The following DLG2 variants were observed in gnomAD, a reference collection of about 807,000 sequenced individuals.
DLG2 encodes the protein discs large MAGUK scaffold protein 2.
A neutral mutation model predicts 132.5 loss-of-function variants in DLG2; 45 were observed. The ratio of observed to expected loss-of-function variants is 0.34; its 90% confidence interval spans 0.27 to 0.44. DLG2 has a LOEUF of 0.44. Among genes scored for constraint, DLG2 ranks in the 20% least tolerant of loss-of-function variants. DLG2 has a pLI of 1.00. For synonymous variants in DLG2, 424 were observed against 419.6 expected, an observed-to-expected ratio of 1.01 and a Z score of -0.13; for missense variants, 1,045 against 1,196.9, an observed-to-expected ratio of 0.87 and a Z score of 1.87.
At chr11:83,726,448 G>T (rs1402581302) in intron 18 of DLG2, among the ~76,000 whole-genome samples, 2 of 152,074 alleles carry the variant, frequency 1.3e-5, no homozygotes, top group African/African-American at 4.8e-5. Flanking sequence ...TTTTTAAAAA[G>T]AACTTTCTTT....
chr11:83,565,060 A>G (rs1476594019), intron 19 of DLG2, among the ~76,000 whole-genome samples: 2 of 152,160 alleles, frequency 1.3e-5, no homozygotes. Context: ...CTTAATGACT[A>G]TCATGTTGCC....
intron 6 of DLG2, among the ~76,000 whole-genome samples, chr11:85,061,172 T>C (rs2064092999): frequency 6.6e-6 from 1 of 151,910 alleles, no homozygotes; most frequent in Admixed American, 6.6e-5. Flanking sequence ...TCCCATTCCA[T>C]AGGTTGCCTT....
chr11:84,638,037 A>T (rs2099643700), intron 6 of DLG2, among the ~76,000 whole-genome samples: 1 of 152,150 alleles, frequency 6.6e-6, no homozygotes, highest in Admixed American at 6.5e-5. Context: ...TGGAATGAAA[A>T]CGTGTTTGCT....
intron 18 of DLG2, among the ~76,000 whole-genome samples, chr11:83,749,609 C>G (rs1222819797): frequency 6.6e-6 from 1 of 152,188 alleles, no homozygotes; most frequent in Non-Finnish European, 1.5e-5. Context: ...TGCACCCCAG[C>G]TGTATGCCAT....
intron 7 of DLG2, among the ~76,000 whole-genome samples, chr11:84,305,011 T>A (rs1017059389): frequency 2.0e-5 from 3 of 152,306 alleles, no homozygotes; most frequent in East Asian, 1.9e-4. Flanking sequence ...ACATATTTTT[T>A]AAAATGTAGT....
rs1373330068 is a variant in DLG2, at chr11:83,458,426, G to A, written c.*1392C>T. On this transcript the variant is annotated 3_prime_UTR_variant, in exon 28 of 28. Transcript: ENST00000376104. ...TCAAAGTCATTAATTGTCTTTCCTTGTGACTCTATCTCTTTGCTCTGTACA... is the reference window on the plus strand; with the variant it reads ...TCAAAGTCATTAATTGTCTTTCCTTATGACTCTATCTCTTTGCTCTGTACA... 14 of 152,610 alleles carry A rather than the reference G, an allele frequency of 9.2e-5. No individual in the cohort carries two copies. Among genetic ancestry groups the A allele is most frequent in the East Asian group, 1.9e-4 (1 of 5,170 alleles). The allele number at this position is 152,610 out of a possible 1,614,324, so 9.5% of individuals were successfully genotyped here. A position where few individuals can be genotyped will look rare whatever the true frequency, so the allele number is the denominator to read the frequency against.
At chr11:85,282,133 T>A (rs953485655) in intron 4 of DLG2, among the ~76,000 whole-genome samples, 1 of 151,670 alleles carries the variant, frequency 6.6e-6, no homozygotes, top group Non-Finnish European at 1.5e-5. Context: ...CAAATATCAC[T>A]CATATATGGA....
At chr11:84,102,022 T>C (rs1430274132) in intron 9 of DLG2, among the ~76,000 whole-genome samples, 1 of 152,156 alleles carries the variant, frequency 6.6e-6, no homozygotes. Flanking sequence ...AATTCATCTA[T>C]TGGTGTTTAT....
chr11:85,424,863 A>G (rs987713551), intron 3 of DLG2, among the ~76,000 whole-genome samples: 43 of 152,194 alleles, frequency 2.8e-4, no homozygotes, highest in African/African-American at 8.7e-4. Context: ...TGGATCTCCC[A>G]GCACCTGTTC....
rs141242890 is a variant in DLG2, at chr11:84,568,934, C to T, written c.358-34203G>A. 1.6e-3 allele frequency among the ~76,000 whole-genome samples: 250 copies of T among 152,302 alleles called. 1 individual carries two copies. The highest frequency in any genetic ancestry group is 5.4e-3 in the African/African-American group (226 of 41,564). ...CATAACGTATTTCACCTATCTTGAACGGTATCTCCCCCTAACTTTATAGCC... is the reference window on the plus strand; with the variant it reads ...CATAACGTATTTCACCTATCTTGAATGGTATCTCCCCCTAACTTTATAGCC... On this transcript the variant is annotated intron_variant, in intron 6 of 27. Transcript: ENST00000376104.
rs200927175 is a variant in DLG2, at chr11:83,753,653, AAT to A, written c.1825+33035_1825+33036del. ...AAAATTGATATAAAATATATCAATAAATATATATATATTTTAAATTGATATAT... is the reference window on the plus strand; with the variant it reads ...AAAATTGATATAAAATATATCAATAAATATATATATTTTAAATTGATATAT... On this transcript the variant is annotated intron_variant, in intron 18 of 27. Transcript: ENST00000376104. 9.8e-3 allele frequency among the ~76,000 whole-genome samples: 1,363 copies of A among 139,630 alleles called. 23 individuals are homozygous for A. Among genetic ancestry groups the A allele is most frequent in the South Asian group, 0.037 (175 of 4,728 alleles). The allele number at this position is 139,630 out of a possible 152,430, so 91.6% of individuals were successfully genotyped here.
At chr11:84,201,074 T>C (rs1176773693) in intron 8 of DLG2, among the ~76,000 whole-genome samples, 4 of 152,144 alleles carry the variant, frequency 2.6e-5, no homozygotes, top group Non-Finnish European at 5.9e-5. Context: ...ATGATATTGG[T>C]TGTGGGTTTG....
chr11:85,174,181 C>A (rs1033956337), intron 4 of DLG2, among the ~76,000 whole-genome samples: 1 of 152,118 alleles, frequency 6.6e-6, no homozygotes, highest in African/African-American at 2.4e-5. Context: ...CTTCTCATAA[C>A]CACACGGCAG....
intron 6 of DLG2, among the ~76,000 whole-genome samples, chr11:84,844,127 GTGTGTGTGTATATATATATATA>G (rs1331841906): frequency 3.9e-5 from 1 of 25,962 alleles, no homozygotes; most frequent in African/African-American, 1.2e-4. Context: ...GTGTGTGTGT[GTGTGTGTGTATATATATATATA>G]TATATATATA....
At chr11:85,267,888 G>GTA (rs1355275204) in intron 4 of DLG2, among the ~76,000 whole-genome samples, 4 of 151,458 alleles carry the variant, frequency 2.6e-5, no homozygotes, top group African/African-American at 9.7e-5. Flanking sequence ...TTTTGTATGT[G>GTA]TGTGTGTGTG....
intron 15 of DLG2, among the ~76,000 whole-genome samples, chr11:83,893,378 G>A (rs1014004447): frequency 6.6e-6 from 1 of 152,150 alleles, no homozygotes; most frequent in African/African-American, 2.4e-5. Context: ...GTCTTTTGTT[G>A]CTCATTGCTC....
rs371493753 is a variant in DLG2, at chr11:83,796,994, A to T, written c.1723-10202T>A. Among the ~76,000 whole-genome samples the T allele has an allele frequency of 1.4e-3, 220 of 152,254 alleles. 8 individuals are homozygous for T. The South Asian group carries it at 0.044, about 30-fold the overall frequency. ...AATGAGCTTTCCTGGAGAAAGTGAC[A>T]TTGAGATGAGGTCATGAATGTTAGC... is the stretch of plus-strand genomic sequence containing the variant. On this transcript the variant is annotated intron_variant, in intron 17 of 27. Transcript: ENST00000376104.
chr11:83,866,696 C>T (rs577874069), intron 16 of DLG2, among the ~76,000 whole-genome samples: 23 of 152,188 alleles, frequency 1.5e-4, no homozygotes, highest in East Asian at 9.7e-4. Context: ...AAGATATACA[C>T]GGTATGATAA....
chr11:85,479,646 C>T (rs1330939758), intron 3 of DLG2, among the ~76,000 whole-genome samples: 1 of 152,122 alleles, frequency 6.6e-6, no homozygotes, highest in East Asian at 1.9e-4. Flanking sequence ...AAAATGAGAT[C>T]GCTTTTCATA....
Sources: allele counts gnomAD v4.1 joint callset (sites outside exome capture counted in the v4.1 genomes callset), GRCh38; gene constraint gnomAD v4.1.1; transcripts MANE v1.5; gene names NCBI Gene and HGNC (gene_info 2026-07-23, HGNC 2026-07-21).